AVEN: variants seen among roughly 807,000 people sequenced by gnomAD.
AVEN encodes cell death regulator Aven.
A neutral mutation model predicts 38.1 loss-of-function variants in AVEN; 41 were observed. The observed-to-expected ratio is 1.08, with a 90% confidence interval of 0.84 to 1.40. The LOEUF is 1.40. AVEN is among the 40% of genes most tolerant of loss of function. The pLI is 0.00. For synonymous variants in AVEN, 206 were observed against 171.8 expected, an observed-to-expected ratio of 1.20 and a Z score of -1.56; for missense variants, 605 against 438.8, an observed-to-expected ratio of 1.38 and a Z score of -3.38.
Position 34,064,641 on chromosome 15 carries a change from C to T in AVEN, n.1127-1209G>A, listed in dbSNP as rs114412022. 3.2e-3 allele frequency: 996 copies of T among 307,700 alleles called. 10 individuals are homozygous for T. The highest frequency in any genetic ancestry group is 0.02 in the African/African-American group (920 of 46,448). 19.1% of individuals were successfully genotyped at this position (307,700 alleles called of 1,614,324 possible). ...ACAGTGACTCAGGGAACTTATGCCC[C>T]TTCTGTAGGAAACAGCAGAGACCAG... On this transcript the variant is annotated intron_variant and non_coding_transcript_variant, in intron 4 of 11. Transcript: ENST00000675287.
chr15:33,971,907 T>G (rs1301222843), intron 2 of AVEN, among the ~76,000 whole-genome samples: 2 of 152,110 alleles, frequency 1.3e-5, no homozygotes, highest in Non-Finnish European at 2.9e-5. Context: ...AATCTTTGGT[T>G]TGTGACATCA....
At chr15:33,857,109 AC>A (rs1362532983), downstream of AVEN, among the ~76,000 whole-genome samples, 1 of 152,200 alleles carries the variant, frequency 6.6e-6, no homozygotes, top group Non-Finnish European at 1.5e-5. Context: ...TATTTTACTT[AC>A]GCCCAATCTA....
At chr15:34,032,023 G>GCACGCACACACA (rs1555518611) in intron 1 of AVEN, among the ~76,000 whole-genome samples, 7 of 148,944 alleles carry the variant, frequency 4.7e-5, no homozygotes, top group Non-Finnish European at 1.0e-4. Context: ...GCGCGCACAC[G>GCACGCACACACA]CACACACACA....
chr15:33,986,432 G>A (rs970408182), intron 2 of AVEN, among the ~76,000 whole-genome samples: 1 of 151,984 alleles, frequency 6.6e-6, no homozygotes, highest in South Asian at 2.1e-4. Context: ...TATAAACTCT[G>A]TATAAACACA....
chr15:33,900,140 T>C (rs1407086223), intron 2 of AVEN, among the ~76,000 whole-genome samples: 1 of 152,132 alleles, frequency 6.6e-6, no homozygotes, highest in Non-Finnish European at 1.5e-5. Flanking sequence ...AGCCCTTTTC[T>C]AGGATACTGC....
At chr15:33,978,855 T>C (rs1325086823) in intron 2 of AVEN, among the ~76,000 whole-genome samples, 1 of 152,106 alleles carries the variant, frequency 6.6e-6, no homozygotes, top group Non-Finnish European at 1.5e-5. Context: ...ATGTTCACTT[T>C]CACCCTGAAG....
chr15:33,948,829 C>T lies in AVEN; in HGVS notation c.445+54203G>A, dbSNP rs181575655. Among the ~76,000 whole-genome samples, 698 of 152,214 alleles carry T rather than the reference C, an allele frequency of 4.6e-3. 2 individuals carry two copies. Among genetic ancestry groups the T allele is most frequent in the South Asian group, 7.1e-3 (34 of 4,818 alleles). On this transcript the variant is annotated intron_variant, in intron 2 of 5. Coordinates refer to ENST00000306730, the MANE Select transcript of AVEN (RefSeq NM_020371.3). ...CTGTGATTACAGGTGCCCATCACCA[C>T]GTCTGGCTAACTTTTGTATTTTTAT... is the stretch of plus-strand genomic sequence containing the variant.
At position 33,968,102 on chromosome 15, in the gene AVEN, A is replaced by T. The variant is rs1238567340; in HGVS notation, c.445+34930T>A. 8.8e-4 allele frequency among the ~76,000 whole-genome samples: 104 copies of T among 118,350 alleles called. 1 individual carries two copies. Among genetic ancestry groups the T allele is most frequent in the African/African-American group, 4.0e-3 (101 of 25,524 alleles). 77.6% of individuals were successfully genotyped at this position (118,350 alleles called of 152,430 possible). On this transcript the variant is annotated intron_variant, in intron 2 of 5. Transcript: ENST00000306730. ...GTGAATAATGCCTAGCAAAGCTTAA[A>T]AAAAAAAAAAAAAAAAAAAAAAAGC... is the stretch of plus-strand genomic sequence containing the variant.
At chr15:33,978,669 A>C (rs1896000438) in intron 2 of AVEN, among the ~76,000 whole-genome samples, 1 of 152,028 alleles carries the variant, frequency 6.6e-6, no homozygotes, top group African/African-American at 2.4e-5. Flanking sequence ...TTTCAAAATA[A>C]ATAAATAAAT....
the AVEN span, chr15:33,853,731 T>G: frequency 3.0e-5 from 48 of 1,577,672 alleles, no homozygotes; most frequent in African/African-American, 6.1e-4. Context: ...AATAGATAGA[T>G]CTTTGCTTTT....
chr15:33,999,853 A>G (rs976603287), intron 2 of AVEN, among the ~76,000 whole-genome samples: 1 of 152,204 alleles, frequency 6.6e-6, no homozygotes, highest in African/African-American at 2.4e-5. Flanking sequence ...TTAACACAGG[A>G]GTGTTATATC....
At chr15:33,926,087 C>T (rs1223362903) in intron 2 of AVEN, among the ~76,000 whole-genome samples, 3 of 152,138 alleles carry the variant, frequency 2.0e-5, no homozygotes, top group African/African-American at 7.2e-5. Context: ...TACCAAATCA[C>T]CTCTATATAT....
At chr15:33,949,725 A>T (rs926878058) in intron 2 of AVEN, among the ~76,000 whole-genome samples, 1 of 152,186 alleles carries the variant, frequency 6.6e-6, no homozygotes, top group African/African-American at 2.4e-5. Context: ...AAATTTAATG[A>T]TATGTAAATT....
chr15:34,011,698 C>G (rs1340983521), intron 1 of AVEN, among the ~76,000 whole-genome samples: 2 of 152,144 alleles, frequency 1.3e-5, no homozygotes, highest in African/African-American at 4.8e-5. Flanking sequence ...ACTCATCTCA[C>G]AGGCCTCTCA....
intron 2 of AVEN, among the ~76,000 whole-genome samples, chr15:33,955,668 A>G (rs1362808978): frequency 3.9e-5 from 6 of 152,234 alleles, no homozygotes; most frequent in Non-Finnish European, 8.8e-5. Flanking sequence ...TGGGAATTAA[A>G]AAGAAAAGCA....
At chr15:33,896,628 A>G (rs1892245343) in intron 2 of AVEN, among the ~76,000 whole-genome samples, 1 of 152,142 alleles carries the variant, frequency 6.6e-6, no homozygotes, top group South Asian at 2.1e-4. Context: ...TTAGCCACTA[A>G]CTTGCAGAGT....
At chr15:33,919,706 GC>G (rs1893314936) in intron 2 of AVEN, among the ~76,000 whole-genome samples, 1 of 152,146 alleles carries the variant, frequency 6.6e-6, no homozygotes, top group Non-Finnish European at 1.5e-5. Context: ...TGTAGGGGAT[GC>G]TACTTCCAGA....
chr15:33,988,493 G>A (rs965938785), intron 2 of AVEN, among the ~76,000 whole-genome samples: 9 of 152,112 alleles, frequency 5.9e-5, no homozygotes, highest in East Asian at 5.8e-4. Flanking sequence ...GAATGTGCCC[G>A]TGTAACACAT....
intron 2 of AVEN, among the ~76,000 whole-genome samples, chr15:33,990,222 A>ACAAAC (rs1896661465): frequency 6.6e-6 from 1 of 151,694 alleles, no homozygotes; most frequent in Non-Finnish European, 1.5e-5. Context: ...ACAAAACAAA[A>ACAAAC]CAAAAAAAAC....
Sources: gnomAD v4.1 joint callset for allele counts (sites outside exome capture counted in the v4.1 genomes callset) on GRCh38, gnomAD v4.1.1 for gene constraint, MANE v1.5 for transcripts, NCBI Gene and HGNC (gene_info 2026-07-23, HGNC 2026-07-21) for gene names.